The following IL27RA variants were observed in gnomAD, a reference collection of about 807,000 sequenced individuals.
IL27RA encodes the protein interleukin-27 receptor subunit alpha.
IL27RA carries 61 observed loss-of-function variants against 80.8 expected under a neutral mutation model. The observed-to-expected ratio is 0.76, with a 90% confidence interval of 0.61 to 0.93. IL27RA has a LOEUF of 0.93. IL27RA is among the 40% of genes least tolerant of loss of function. The pLI is 0.00. For synonymous variants in IL27RA, 316 were observed against 332.5 expected (o/e 0.95, Z 0.54); for missense variants, 735 against 808.1 (o/e 0.91, Z 1.10).
chr19:14,037,474 C>G (rs1360969142), intron 2 of IL27RA, among the ~76,000 whole-genome samples: 1 of 151,148 alleles, frequency 6.6e-6, no homozygotes, highest in Non-Finnish European at 1.5e-5. Context: ...AGGCTGGTCT[C>G]CAACTCCTGG....
intron 4 of IL27RA, among the ~76,000 whole-genome samples, chr19:14,041,997 G>A (rs989927446): frequency 2.0e-5 from 3 of 152,104 alleles, no homozygotes; most frequent in Non-Finnish European, 4.4e-5. Context: ...TCAGGAGATC[G>A]AGACCATCTT....
chr19:14,032,246 G>A, intron 1 of IL27RA, 140 bp from the exon 2 acceptor site: 1 of 744,336 alleles, frequency 1.3e-6, no homozygotes, highest in Non-Finnish European at 2.3e-6. Context: ...CCGGGCAGGG[G>A]TGCCTAGCGC....
At chr19:14,052,065 G>A (rs370198072) in intron 13 of IL27RA, 31 bp from the exon 14 acceptor site, 13 of 1,604,212 alleles carry the variant, frequency 8.1e-6, no homozygotes, top group African/African-American at 1.3e-5. Flanking sequence ...CGGGGAGGCT[G>A]GGGCAGGATT....
rs189788454 is a variant in IL27RA, at chr19:14,045,361, G to C, written c.769-793G>C. ...TCCCAGCACTTTGGGAGGCCGAGAC[G>C]GGCGGATTTTTTTTTTAAGAGACAA... is the stretch of plus-strand genomic sequence containing the variant. On this transcript the variant is annotated intron_variant, in intron 6 of 13. Coordinates refer to ENST00000263379, the MANE Select transcript of IL27RA (RefSeq NM_004843.4). Among the ~76,000 whole-genome samples the C allele has an allele frequency of 2.0e-3, 296 of 150,854 alleles. 5 individuals are homozygous for C. Among genetic ancestry groups the C allele is most frequent in the African/African-American group, 6.8e-3 (281 of 41,116 alleles).
intron 1 of IL27RA, 80 bp from the exon 2 acceptor site, chr19:14,032,306 A>G (rs1177103472): frequency 9.0e-7 from 1 of 1,105,482 alleles, no homozygotes; most frequent in Non-Finnish European, 1.3e-6. Context: ...TGCAATTGTC[A>G]GAAGTCCAAG....
intron 8 of IL27RA, among the ~76,000 whole-genome samples, chr19:14,046,999 AAAAT>A (rs556835829): frequency 7.2e-5 from 11 of 151,886 alleles, no homozygotes; most frequent in South Asian, 4.2e-4. Context: ...TCAGTCTCAA[AAAAT>A]AAATAAATAA....
chr19:14,039,493 C>T lies in IL27RA; in HGVS notation c.219-15C>T, dbSNP rs1194799211. ...TAGCCGAGTGTGCATCTCATCCCCG[C>T]CTCTCTCCTCACAGCCGTTCCAACA... On this transcript the variant is annotated splice_polypyrimidine_tract_variant and intron_variant, in intron 2 of 13. Coordinates refer to ENST00000263379, the MANE Select transcript of IL27RA (RefSeq NM_004843.4). 2.5e-6 allele frequency: 4 copies of T among 1,605,122 alleles called. No individual in the cohort carries two copies. The highest frequency in any genetic ancestry group is 3.4e-6 in the Non-Finnish European group (4 of 1,174,380).
chr19:14,042,462 G>C lies in IL27RA; in HGVS notation c.544G>C (p.Glu182Gln). 1 of 1,613,978 alleles carries C rather than the reference G, an allele frequency of 6.2e-7. No individual in the cohort carries two copies. The highest frequency in any genetic ancestry group is 8.5e-7 in the Non-Finnish European group (1 of 1,179,908). Reference protein sequence around the residue: ...QEAAWTLLEPELKTIPLTPVE... With the variant: ...QEAAWTLLEPQLKTIPLTPVE... ...CCTGTCTCTCCCCCAGCTGGAACCG[G>C]AGCTGAAGACCATACCCCTGACCCC... is the stretch of plus-strand genomic sequence containing the variant. The change falls in exon 5 of 14, where the codon GAG (glutamate) becomes CAG (glutamine). Residue 182 changes from glutamate (E) to glutamine (Q), a missense_variant. By Grantham distance (29) the Glu-to-Gln change is conservative. Coordinates refer to ENST00000263379, the MANE Select transcript of IL27RA (RefSeq NM_004843.4).
intron 2 of IL27RA, among the ~76,000 whole-genome samples, chr19:14,039,107 A>C (rs759554888): frequency 2.6e-4 from 39 of 152,040 alleles, no homozygotes; most frequent in Admixed American, 1.1e-3. Context: ...CAACATGGTG[A>C]AACCCCATCG....
chr19:14,033,777 CA>C (rs1975856418), intron 2 of IL27RA, among the ~76,000 whole-genome samples: 1 of 152,060 alleles, frequency 6.6e-6, no homozygotes, highest in Non-Finnish European at 1.5e-5. Flanking sequence ...CCAGCCTGAC[CA>C]ACATGGTGAA....
intron 2 of IL27RA, among the ~76,000 whole-genome samples, chr19:14,035,061 C>T (rs1975878734): frequency 6.6e-6 from 1 of 151,874 alleles, no homozygotes; most frequent in African/African-American, 2.4e-5. Context: ...GTGGGGCAGT[C>T]AGTTCACTGC....
intron 6 of IL27RA, among the ~76,000 whole-genome samples, chr19:14,043,450 C>T (rs1294311377): frequency 6.6e-6 from 1 of 151,792 alleles, no homozygotes; most frequent in Admixed American, 6.6e-5. Context: ...GATGGAGTCT[C>T]GCTCTGTTGC....
At chr19:14,034,724 C>T (rs1468635275) in intron 2 of IL27RA, among the ~76,000 whole-genome samples, 2 of 149,386 alleles carry the variant, frequency 1.3e-5, no homozygotes, top group African/African-American at 2.5e-5. Flanking sequence ...GAGGCCGAGG[C>T]GGTGGATCAT....
intron 6 of IL27RA, 61 bp downstream of exon 6, chr19:14,042,850 G>A (rs1416232888): frequency 4.9e-6 from 7 of 1,438,346 alleles, no homozygotes; most frequent in Admixed American, 1.7e-5. Context: ...AAATAACAAT[G>A]ACATAAGGCC....
chr19:14,037,044 C>G (rs896797642), intron 2 of IL27RA, among the ~76,000 whole-genome samples: 1 of 151,418 alleles, frequency 6.6e-6, no homozygotes, highest in African/African-American at 2.4e-5. Flanking sequence ...CCATGTTTGT[C>G]AGGCTGGTCT....
chr19:14,044,460 G>A (rs145746981), intron 6 of IL27RA, among the ~76,000 whole-genome samples: 463 of 151,974 alleles, frequency 3.0e-3, no homozygotes, highest in Non-Finnish European at 4.4e-3. Context: ...GGCTGGTCTC[G>A]AACTCCTGAA....
In IL27RA at chr19:14,042,619, A is replaced by G; in HGVS notation, c.694+7A>G. The G allele has an allele frequency of 6.2e-7, 1 of 1,613,994 alleles. No homozygotes were observed. The highest frequency in any genetic ancestry group is 2.2e-5 in the East Asian group (1 of 44,868). On this transcript the variant is annotated splice_region_variant and intron_variant, in intron 5 of 13. Transcript: ENST00000263379. ...TTCCAGACACCGCCTTCTGGTGAGG[A>G]TATCTGGGCTTGCCCTCAATCCACG...
intron 11 of IL27RA, among the ~76,000 whole-genome samples, chr19:14,051,330 A>G (rs1435361915): frequency 1.3e-5 from 2 of 152,084 alleles, no homozygotes; most frequent in Non-Finnish European, 2.9e-5. Context: ...GGATCAGTTG[A>G]GGTCAGGAGT....
chr19:14,042,104 C>T (rs983472619), intron 4 of IL27RA, among the ~76,000 whole-genome samples: 12 of 151,318 alleles, frequency 7.9e-5, no homozygotes, highest in African/African-American at 2.9e-4. Flanking sequence ...GAGGCTGAGG[C>T]AGGGGAATCG....
Sources: gnomAD v4.1 joint callset for allele counts (sites outside exome capture counted in the v4.1 genomes callset) on GRCh38, gnomAD v4.1.1 for gene constraint, MANE v1.5 for transcripts, NCBI Gene and HGNC (gene_info 2026-07-23, HGNC 2026-07-21) for gene names.